TPRX1: variants seen among roughly 807,000 people sequenced by gnomAD.
TPRX1 encodes tetra-peptide repeat homeobox protein 1.
Under a neutral mutation model 8.1 loss-of-function variants are expected in TPRX1, and 2 were observed. That is an observed-to-expected ratio of 0.25 (90% CI 0.10 to 0.78). TPRX1 has a LOEUF of 0.78. Among genes scored for constraint, TPRX1 ranks in the 30% least tolerant of loss-of-function variants. TPRX1 has a pLI of 0.70. For synonymous variants in TPRX1, 257 were observed against 254.1 expected, an observed-to-expected ratio of 1.01 and a Z score of -0.11; for missense variants, 517 against 586.9, an observed-to-expected ratio of 0.88 and a Z score of 1.23.
chr19:47,810,598 C>T (rs1568616122), intron 2 of TPRX1, among the ~76,000 whole-genome samples: 1 of 152,074 alleles, frequency 6.6e-6, no homozygotes, highest in Non-Finnish European at 1.5e-5. Context: ...CTGCCCGCCT[C>T]AGCCTCCCAA....
intron 2 of TPRX1, among the ~76,000 whole-genome samples, chr19:47,812,816 CAAA>C (rs1277119576): frequency 6.7e-6 from 1 of 148,554 alleles, no homozygotes; most frequent in Non-Finnish European, 1.5e-5. Context: ...AAAAACTAAA[CAAA>C]AAAAGCCTGG....
At chr19:47,802,425 G>C in exon 4 of TPRX1, 1 of 1,309,168 alleles carries the variant, frequency 7.6e-7, no homozygotes, top group Non-Finnish European at 1.0e-6. Context: ...ATTGGGCCTG[G>C]GATCGGGCCT....
At chr19:47,813,543 G>A (rs1431642279) in intron 2 of TPRX1, among the ~76,000 whole-genome samples, 2 of 152,124 alleles carry the variant, frequency 1.3e-5, no homozygotes, top group Non-Finnish European at 2.9e-5. Flanking sequence ...CTTTCCAGGC[G>A]CGGGGAGCAA....
intron 2 of TPRX1, among the ~76,000 whole-genome samples, chr19:47,807,587 A>T (rs928917680): frequency 6.6e-6 from 1 of 151,988 alleles, no homozygotes; most frequent in African/African-American, 2.4e-5. Flanking sequence ...TAGCCAGGCT[A>T]GTCTCGAACT....
chr19:47,803,435 G>C (rs1048908720), intron 3 of TPRX1, 69 bp downstream of exon 2: 1 of 862,018 alleles, frequency 1.2e-6, no homozygotes, highest in Non-Finnish European at 1.9e-6. Context: ...GCCAGGCCCC[G>C]GTGAGTGACA....
chr19:47,815,121 T>TATATATATATATATATATATGTAA (rs1555800002), intron 2 of TPRX1, among the ~76,000 whole-genome samples: 1 of 90,252 alleles, frequency 1.1e-5, no homozygotes, highest in African/African-American at 4.8e-5. Flanking sequence ...AAATTATATA[T>TATATATATATATATATATATGTAA]ATATATATAT....
intron 2 of TPRX1, chr19:47,818,446 C>T (rs1177709462): frequency 2.2e-6 from 1 of 455,412 alleles, no homozygotes; most frequent in Non-Finnish European, 4.4e-6. Context: ...ATTTCTTTCA[C>T]ATTTATTGAA....
chr19:47,812,057 A>T (rs1301739853), intron 2 of TPRX1, among the ~76,000 whole-genome samples: 1 of 146,546 alleles, frequency 6.8e-6, no homozygotes, highest in Non-Finnish European at 1.5e-5. Context: ...GTAGAGATGG[A>T]GTTTCTCCAT....
intron 2 of TPRX1, among the ~76,000 whole-genome samples, chr19:47,816,362 C>T (rs1286698918): frequency 6.6e-6 from 1 of 151,826 alleles, no homozygotes; most frequent in East Asian, 1.9e-4. Flanking sequence ...ACCACTGTGC[C>T]TGGCCTTCTT....
At chr19:47,813,140 T>TAAATAAATAAATAAATA (rs746161206) in intron 2 of TPRX1, among the ~76,000 whole-genome samples, 1 of 130,720 alleles carries the variant, frequency 7.6e-6, no homozygotes, top group Non-Finnish European at 1.6e-5. Context: ...AATAAATAAA[T>TAAATAAATAAATAAATA]AATAATAAAT....
intron 1 of TPRX1, chr19:47,818,639 C>T: frequency 2.3e-6 from 1 of 437,788 alleles, no homozygotes; most frequent in Admixed American, 2.4e-5. Context: ...GTATGAGGAG[C>T]ACCCCCATCC....
chr19:47,806,380 C>A (rs1365660090), intron 2 of TPRX1, among the ~76,000 whole-genome samples: 1 of 151,624 alleles, frequency 6.6e-6, no homozygotes, highest in African/African-American at 2.4e-5. Flanking sequence ...ATTAGCCAAG[C>A]ATGGTGGCGG....
chr19:47,814,668 G>C (rs1388468734), intron 2 of TPRX1, among the ~76,000 whole-genome samples: 2 of 152,102 alleles, frequency 1.3e-5, no homozygotes, highest in East Asian at 3.9e-4. Flanking sequence ...CCTGAGCTGG[G>C]AATGTTTTGG....
chr19:47,815,240 C>T (rs1479277005), intron 2 of TPRX1, among the ~76,000 whole-genome samples: 3 of 133,268 alleles, frequency 2.3e-5, no homozygotes, highest in Admixed American at 1.5e-4. Flanking sequence ...CTGCAACCTC[C>T]GCCTCCCGGG....
intron 3 of TPRX1, 73 bp downstream of exon 2, chr19:47,803,431 C>T (rs1033477436): frequency 5.0e-6 from 4 of 803,012 alleles, no homozygotes; most frequent in Non-Finnish European, 8.1e-6. Flanking sequence ...GCGGGCCAGG[C>T]CCCGGTGAGT....
chr19:47,802,196 G>T (rs887131841), exon 4 of TPRX1: 2 of 1,611,866 alleles, frequency 1.2e-6, no homozygotes, highest in Admixed American at 3.3e-5. Flanking sequence ...GATCTGGGCT[G>T]GGCTGGGAAT....
intron 2 of TPRX1, among the ~76,000 whole-genome samples, chr19:47,804,547 C>T (rs2123712988): frequency 6.6e-6 from 1 of 152,332 alleles, no homozygotes; most frequent in South Asian, 2.1e-4. Context: ...CATCCTGAGT[C>T]CTGATCTGTT....
chr19:47,809,187 C>G (rs1177118164), intron 2 of TPRX1, among the ~76,000 whole-genome samples: 1 of 152,166 alleles, frequency 6.6e-6, no homozygotes. Flanking sequence ...AATGCTGTCT[C>G]AGGCACATTG....
chr19:47,815,078 T>C (rs9710190), intron 2 of TPRX1, among the ~76,000 whole-genome samples: 77,296 of 136,342 alleles, frequency 0.57, 22,086 homozygotes, highest in Middle Eastern at 0.73. Context: ...GGATTACAGG[T>C]GTGAGTCATT....
Sources: allele counts gnomAD v4.1 joint callset (sites outside exome capture counted in the v4.1 genomes callset), GRCh38; gene constraint gnomAD v4.1.1; transcripts MANE v1.5; gene names NCBI Gene and HGNC (gene_info 2026-07-23, HGNC 2026-07-21).